RANBP2: variants seen among roughly 807,000 people sequenced by gnomAD.
The protein encoded by RANBP2 is RAN binding protein 2.
Under a neutral mutation model 303.6 loss-of-function variants are expected in RANBP2, and 57 were observed. The observed-to-expected ratio is 0.19, with a 90% CI of 0.15 to 0.23. RANBP2 has a LOEUF of 0.23. RANBP2 is among the 10% of genes least tolerant of loss of function. The probability of loss-of-function intolerance (pLI) is 1.00; values close to 1 mark genes in which losing one functional copy is unlikely to be tolerated. For synonymous variants in RANBP2, 1,167 were observed against 1,301.5 expected, an observed-to-expected ratio of 0.90 and a Z score of 2.23; for missense variants, 3,138 against 3,780.8, an observed-to-expected ratio of 0.83 and a Z score of 4.46.
intron 15 of RANBP2, 36 bp from the exon 16 acceptor site, chr2:108,754,869 A>G (rs1178328776): frequency 1.2e-6 from 2 of 1,607,352 alleles, no homozygotes; most frequent in East Asian, 4.5e-5. Flanking sequence ...AATTTTTTGC[A>G]AATGAAAGCC....
the RANBP2 span, among the ~76,000 whole-genome samples, chr2:109,601,191 A>C: frequency 6.6e-6 from 1 of 152,176 alleles, no homozygotes; most frequent in Non-Finnish European, 1.5e-5. Context: ...GATGAAACTG[A>C]AAGTCCCAAC....
the RANBP2 span, among the ~76,000 whole-genome samples, chr2:108,999,616 T>A: frequency 6.6e-6 from 1 of 152,194 alleles, no homozygotes; most frequent in East Asian, 1.9e-4. Context: ...ACATGGAGAT[T>A]CCTGGTAGGC....
the RANBP2 span, among the ~76,000 whole-genome samples, chr2:109,440,790 C>T: frequency 6.6e-6 from 1 of 152,140 alleles, no homozygotes; most frequent in Admixed American, 6.5e-5. Context: ...AGAGAGGCTG[C>T]AGAGCACGCC....
chr2:109,372,516 T>G, the RANBP2 span, among the ~76,000 whole-genome samples: 1 of 152,236 alleles, frequency 6.6e-6, no homozygotes, highest in East Asian at 1.9e-4. Context: ...CACTTGGAAG[T>G]ACCTGCTCAT....
At chr2:108,929,254 G>C in the RANBP2 span, 2 of 1,614,170 alleles carry the variant, frequency 1.2e-6, no homozygotes, top group Non-Finnish European at 1.7e-6. Context: ...GTGTCAGCAC[G>C]GTGGCCCGGA....
chr2:109,316,898 C>T, the RANBP2 span, among the ~76,000 whole-genome samples: 1 of 152,220 alleles, frequency 6.6e-6, no homozygotes, highest in Admixed American at 6.5e-5. Flanking sequence ...TGGAAGTATA[C>T]AGTGCGTAGC....
chr2:109,199,602 T>TTAACC, the RANBP2 span, among the ~76,000 whole-genome samples: 23 of 336 alleles, frequency 0.068, no homozygotes, highest in East Asian at 0.17. Context: ...TGGAATGGAA[T>TTAACC]GGAATGGAAT....
the RANBP2 span, among the ~76,000 whole-genome samples, chr2:109,451,546 C>T: frequency 2.6e-5 from 4 of 151,052 alleles, no homozygotes; most frequent in African/African-American, 7.3e-5. Context: ...ACGTCCTGTA[C>T]GAATCTACAC....
chr2:108,982,831 G>A, the RANBP2 span, among the ~76,000 whole-genome samples: 1 of 152,174 alleles, frequency 6.6e-6, no homozygotes, highest in African/African-American at 2.4e-5. Context: ...CTTAGTGAGT[G>A]CTGGCGGGAA....
the RANBP2 span, among the ~76,000 whole-genome samples, chr2:109,649,093 C>T: frequency 2.0e-5 from 3 of 152,074 alleles, no homozygotes; most frequent in Non-Finnish European, 2.9e-5. Context: ...AAAGACAAAA[C>T]GGTAATAGAT....
chr2:109,525,143 G>GT, the RANBP2 span, among the ~76,000 whole-genome samples: 4 of 140,658 alleles, frequency 2.8e-5, no homozygotes, highest in Admixed American at 7.2e-5. Context: ...CATCATTTTT[G>GT]TTTTTGTTTT....
At chr2:108,804,892 C>T in the RANBP2 span, 2 of 1,539,792 alleles carry the variant, frequency 1.3e-6, no homozygotes, top group Non-Finnish European at 1.7e-6. Flanking sequence ...CTCCTAGCAG[C>T]ATGATGCAGA....
the RANBP2 span, chr2:109,437,258 C>T: frequency 7.0e-7 from 1 of 1,426,950 alleles, no homozygotes; most frequent in South Asian, 1.5e-5. Context: ...TGGCTGGTGG[C>T]AGCTTCATGG....
At chr2:109,212,169 G>A in the RANBP2 span, among the ~76,000 whole-genome samples, 5 of 152,144 alleles carry the variant, frequency 3.3e-5, no homozygotes, top group Non-Finnish European at 7.4e-5. Flanking sequence ...TTGGCTTCTG[G>A]ATGACTTGTC....
the RANBP2 span, among the ~76,000 whole-genome samples, chr2:108,831,257 A>AC: frequency 6.6e-6 from 1 of 152,178 alleles, no homozygotes; most frequent in Non-Finnish European, 1.5e-5. Context: ...ATGTAAATAC[A>AC]CCTGATGATC....
chr2:109,708,463 G>T, the RANBP2 span, among the ~76,000 whole-genome samples: 2 of 151,074 alleles, frequency 1.3e-5, no homozygotes, highest in African/African-American at 4.9e-5. Flanking sequence ...TTCAAGAGCA[G>T]CCCGGGCAAC....
the RANBP2 span, chr2:108,805,043 C>T: frequency 1.0e-4 from 119 of 1,153,084 alleles, no homozygotes; most frequent in Non-Finnish European, 1.2e-4. Flanking sequence ...GAACATAAGA[C>T]ATTCTAAGAA....
chr2:109,311,667 C>T, the RANBP2 span, among the ~76,000 whole-genome samples: 1 of 152,176 alleles, frequency 6.6e-6, no homozygotes, highest in African/African-American at 2.4e-5. Flanking sequence ...TGAGAGGAGA[C>T]CCAGTCTGTG....
the RANBP2 span, among the ~76,000 whole-genome samples, chr2:108,872,692 A>T: frequency 2.6e-4 from 40 of 152,274 alleles, no homozygotes; most frequent in Non-Finnish European, 2.4e-4. Flanking sequence ...GGCTGCACTC[A>T]CACATGGCGG....
Sources: allele counts gnomAD v4.1 joint callset (sites outside exome capture counted in the v4.1 genomes callset), GRCh38; gene constraint gnomAD v4.1.1; transcripts MANE v1.5; gene names NCBI Gene and HGNC (gene_info 2026-07-23, HGNC 2026-07-21).